Variants in CTSC observed in about 807,000 individuals in gnomAD.
The protein encoded by CTSC is dipeptidyl peptidase 1.
A neutral mutation model predicts 40.9 loss-of-function variants in CTSC; 37 were observed. The observed-to-expected ratio is 0.91, with a 90% confidence interval of 0.70 to 1.19. The LOEUF (loss-of-function observed/expected upper bound fraction) is 1.19. CTSC is among the 50% of genes most tolerant of loss of function. The probability of loss-of-function intolerance (pLI) is 0.00; values close to 1 mark genes in which losing one functional copy is unlikely to be tolerated. For missense variants in CTSC, 594 were observed against 567.3 expected, an observed-to-expected ratio of 1.05 and a Z score of -0.48; for synonymous variants, 232 against 207.4, an observed-to-expected ratio of 1.12 and a Z score of -1.02.
intron 3 of CTSC, among the ~76,000 whole-genome samples, chr11:88,311,201 T>C (rs759232446): frequency 5.3e-5 from 8 of 152,158 alleles, no homozygotes; most frequent in Admixed American, 2.0e-4. Flanking sequence ...TAGAGTACAA[T>C]AGTACATAGC....
chr11:88,330,848 T>C (rs1938333273), intron 2 of CTSC, among the ~76,000 whole-genome samples: 1 of 152,106 alleles, frequency 6.6e-6, no homozygotes. Flanking sequence ...AAATCTCAAA[T>C]CATAAAAAAT....
Position 88,300,431 on chromosome 11 carries a change from C to A in CTSC, c.757+99G>T, listed in dbSNP as rs147844154. 4.7e-4 allele frequency: 354 copies of A among 751,408 alleles called. 1 individual carries two copies. The African/African-American group carries it at 5.6e-3, about 12-fold the overall frequency. The allele number at this position is 751,408 out of a possible 1,614,324, so 46.5% of individuals were successfully genotyped here. On this transcript the variant is annotated intron_variant, in intron 5 of 6. Transcript: ENST00000227266. Reference sequence around the variant, plus strand: ...CTATTTCTGTAAAAAGGGGATCATGCCCATTCCATCTAGGTATCCCCGAAA... The same window carrying A: ...CTATTTCTGTAAAAAGGGGATCATGACCATTCCATCTAGGTATCCCCGAAA...
chr11:88,337,417 G>T, intron 1 of CTSC, 84 bp downstream of exon 1: 1 of 1,376,722 alleles, frequency 7.3e-7, no homozygotes. Context: ...TCTGCCTGGG[G>T]GGAAGCGGTA....
At chr11:88,330,131 CTT>C (rs1157069901) in intron 2 of CTSC, among the ~76,000 whole-genome samples, 1 of 152,160 alleles carries the variant, frequency 6.6e-6, no homozygotes, top group Non-Finnish European at 1.5e-5. Context: ...ATAGTATTGT[CTT>C]TTGTTTTGGC....
intron 3 of CTSC, among the ~76,000 whole-genome samples, chr11:88,312,045 T>C (rs368804383): frequency 6.6e-6 from 1 of 152,262 alleles, no homozygotes; most frequent in South Asian, 2.1e-4. Context: ...GTATCACCTA[T>C]ACTTGTTGCA....
Position 88,312,543 on chromosome 11 carries a change from CTCT to C in CTSC, c.327_329del (p.Glu110del). 6.2e-7 allele frequency: 1 copy of C among 1,614,118 alleles called. No individual in the cohort carries two copies. Among genetic ancestry groups the C allele is most frequent in the South Asian group, 1.1e-5 (1 of 91,072 alleles). ...TGCAGTAAGTGGTCACCTTGCTGCC[CTCT>C]TCTTTATACTGCAAACAAATAAGAG... On this transcript the variant is annotated inframe_deletion, in exon 3 of 7. Coordinates refer to ENST00000227266, the MANE Select transcript of CTSC (RefSeq NM_001814.6).
chr11:88,335,798 T>C (rs1938476722), intron 1 of CTSC, among the ~76,000 whole-genome samples: 1 of 151,932 alleles, frequency 6.6e-6, no homozygotes, highest in Non-Finnish European at 1.5e-5. Context: ...AAAAGATAAA[T>C]AAACAGACTA....
intron 5 of CTSC, chr11:88,296,589 C>T (rs913487599): frequency 1.1e-5 from 4 of 354,488 alleles, no homozygotes; most frequent in South Asian, 4.5e-5. Context: ...ATGTCTACAA[C>T]GTTCAAAGCC....
At position 88,294,379 on chromosome 11, in the gene CTSC, T is replaced by C; in HGVS notation, c.1019A>G (p.Tyr340Cys). 6.2e-7 allele frequency: 1 copy of C among 1,614,092 alleles called. No individual in the cohort carries two copies. Among genetic ancestry groups the C allele is most frequent in the Non-Finnish European group, 8.5e-7 (1 of 1,180,010 alleles). The change falls in exon 7 of 7, where the codon TAT (tyrosine) becomes TGT (cysteine). Residue 340 changes from tyrosine (Y) to cysteine (C), a missense_variant. Tyr to Cys is a radical substitution (Grantham distance 194). Transcript: ENST00000227266. ...TACATAGTGGTACTCAGAGGAGTAA[T>C]AACGAAAGCAGTCTTCCTTCATTTT... ...PCKMKEDCFR[Y>C]YSSEYHYVGG...
chr11:88,297,056 A>C (rs1591220432), intron 5 of CTSC: 3 of 152,632 alleles, frequency 2.0e-5, no homozygotes. Flanking sequence ...GCTCAGAAAG[A>C]AGCAATGAGC....
At chr11:88,324,922 T>C in intron 2 of CTSC, 2 of 985,270 alleles carry the variant, frequency 2.0e-6, no homozygotes, top group Non-Finnish European at 2.4e-6. Flanking sequence ...AGCAGAACAG[T>C]ATACCTCTCA....
chr11:88,331,083 G>C (rs1366128324), intron 2 of CTSC, among the ~76,000 whole-genome samples: 1 of 152,176 alleles, frequency 6.6e-6, no homozygotes, highest in Non-Finnish European at 1.5e-5. Context: ...CCTATTCTCA[G>C]TCAGCAACAA....
At chr11:88,320,893 A>G in intron 2 of CTSC, 1 of 889,392 alleles carries the variant, frequency 1.1e-6, no homozygotes, top group Non-Finnish European at 1.3e-6. Flanking sequence ...ATAGGGAATC[A>G]AATGGTTAGT....
At chr11:88,303,199 T>C (rs1944387917) in intron 4 of CTSC, among the ~76,000 whole-genome samples, 1 of 152,186 alleles carries the variant, frequency 6.6e-6, no homozygotes, top group South Asian at 2.1e-4. Flanking sequence ...TGTGATCAAA[T>C]GCATGTGGGT....
chr11:88,337,408 C>T (rs1938528326), intron 1 of CTSC, 93 bp downstream of exon 1: 1 of 1,302,948 alleles, frequency 7.7e-7, no homozygotes, highest in Non-Finnish European at 1.1e-6. Flanking sequence ...CCACAAGCGT[C>T]TGCCTGGGGG....
chr11:88,325,813 T>C, intron 2 of CTSC: 3 of 985,896 alleles, frequency 3.0e-6, no homozygotes, highest in South Asian at 4.7e-5. Flanking sequence ...AAGCCTCTTT[T>C]TTCCCTTCTT....
At chr11:88,324,815 A>G (rs1938135683) in intron 2 of CTSC, 1 of 985,248 alleles carries the variant, frequency 1.0e-6, no homozygotes, top group African/African-American at 1.7e-5. Flanking sequence ...GTGATAAAGA[A>G]TTTATCAGGT....
At position 88,308,413 on chromosome 11, in the gene CTSC, G is replaced by C. The variant is rs532559650; in HGVS notation, c.641+750C>G. On this transcript the variant is annotated intron_variant, in intron 4 of 6. Transcript: ENST00000227266. ...TCCAGCAAATAACATCATTATTGTA[G>C]AATCTAAGACTGGCTTTTTGAAATA... 2.0e-5 allele frequency among the ~76,000 whole-genome samples: 3 copies of C among 152,186 alleles called. No individual in the cohort carries two copies. The South Asian group carries it at 6.2e-4, about 32-fold the overall frequency.
At chr11:88,334,596 T>C (rs217073) in intron 2 of CTSC, 72,183 of 271,196 alleles carry the variant, frequency 0.27, 11,781 homozygotes, top group East Asian at 0.56. Flanking sequence ...CTATCTTTCC[T>C]ACAGATTTAG....
Sources: allele counts gnomAD v4.1 joint callset (sites outside exome capture counted in the v4.1 genomes callset), GRCh38; gene constraint gnomAD v4.1.1; transcripts MANE v1.5; gene names NCBI Gene and HGNC (gene_info 2026-07-23, HGNC 2026-07-21).